The following LRRC8D variants were observed in gnomAD, a reference collection of about 807,000 sequenced individuals.
The protein encoded by LRRC8D is volume-regulated anion channel subunit LRRC8D.
In LRRC8D, 20 loss-of-function variants were observed where a neutral mutation model predicts 55.8. The observed-to-expected ratio is 0.36, with a 90% CI of 0.25 to 0.52. The LOEUF (loss-of-function observed/expected upper bound fraction) is 0.52. Ranked by LOEUF, LRRC8D falls within the 20% of genes least tolerant of loss-of-function variation. LRRC8D has a pLI of 0.93. For synonymous variants in LRRC8D, 352 were observed against 377.0 expected, an observed-to-expected ratio of 0.93 and a Z score of 0.77; for missense variants, 651 against 1,030.8, an observed-to-expected ratio of 0.63 and a Z score of 5.05.
At position 89,821,083 on chromosome 1, in the gene LRRC8D, C is replaced by CGCT. The variant is rs1049055996; in HGVS notation, c.-353_-351dup. On this transcript the variant is annotated 5_prime_UTR_variant, in exon 1 of 3. Transcript: ENST00000337338. ...CTGCTGCTCCCGTCGCCGCTGCTGC[C>CGCT]GCTGCCGCTGCCGCCGCCCGTGGTG... The CGCT allele has an allele frequency of 0.12, 55 of 462 alleles. 1 individual carries two copies. Among genetic ancestry groups the CGCT allele is most frequent in the Middle Eastern group, 0.5 (1 of 2 alleles). 0.0% of individuals were successfully genotyped at this position (462 alleles called of 1,614,324 possible). A position where few individuals can be genotyped will look rare whatever the true frequency, so the allele number is the denominator to read the frequency against.
intron 1 of LRRC8D, among the ~76,000 whole-genome samples, chr1:89,840,996 A>G (rs1403359624): frequency 2.0e-5 from 3 of 152,246 alleles, no homozygotes; most frequent in African/African-American, 4.8e-5. Flanking sequence ...TTTCTAGCTA[A>G]ATGCCCTGCT....
chr1:89,844,046 C>A (rs1052315095), intron 2 of LRRC8D, among the ~76,000 whole-genome samples: 26 of 152,254 alleles, frequency 1.7e-4, no homozygotes, highest in Non-Finnish European at 7.3e-5. Flanking sequence ...CCCCGGGCTG[C>A]GCTGGAGCTG....
At chr1:89,861,074 A>G (rs1661707367) in intron 2 of LRRC8D, among the ~76,000 whole-genome samples, 1 of 152,002 alleles carries the variant, frequency 6.6e-6, no homozygotes, top group Non-Finnish European at 1.5e-5. Flanking sequence ...CATCAAGGGC[A>G]CTTTTGAGAG....
At chr1:89,922,179 T>G (rs183265782) in intron 2 of LRRC8D, among the ~76,000 whole-genome samples, 8 of 152,190 alleles carry the variant, frequency 5.3e-5, no homozygotes, top group African/African-American at 1.7e-4. Flanking sequence ...TGCTCGTGCT[T>G]CAGCCTCCCA....
intron 2 of LRRC8D, among the ~76,000 whole-genome samples, chr1:89,891,590 A>G (rs1449322718): frequency 6.6e-6 from 1 of 152,154 alleles, no homozygotes; most frequent in Admixed American, 6.5e-5. Flanking sequence ...CCTAACAGTG[A>G]TTTTTGTCTT....
chr1:89,848,681 C>A (rs781414306), intron 2 of LRRC8D, among the ~76,000 whole-genome samples: 4 of 151,738 alleles, frequency 2.6e-5, no homozygotes, highest in Admixed American at 6.6e-5. Flanking sequence ...TGGGTAATAA[C>A]CCTGTTTGTT....
intron 2 of LRRC8D, among the ~76,000 whole-genome samples, chr1:89,902,048 G>T (rs1350512848): frequency 6.6e-6 from 1 of 152,224 alleles, no homozygotes; most frequent in Non-Finnish European, 1.5e-5. Flanking sequence ...TCCATGCTGG[G>T]GGCTAGGCCC....
At chr1:89,841,692 C>G (rs1030544480) in intron 1 of LRRC8D, among the ~76,000 whole-genome samples, 2 of 152,146 alleles carry the variant, frequency 1.3e-5, no homozygotes, top group Non-Finnish European at 2.9e-5. Context: ...AGTAGCCATT[C>G]TAGAACCTTT....
intron 1 of LRRC8D, among the ~76,000 whole-genome samples, chr1:89,827,239 A>G (rs1485657732): frequency 1.3e-5 from 2 of 151,578 alleles, no homozygotes; most frequent in Non-Finnish European, 2.9e-5. Flanking sequence ...AATCCCAGCT[A>G]CTCGGGAAGT....
chr1:89,911,443 C>T lies in LRRC8D; in HGVS notation c.-2-21624C>T, dbSNP rs1279139188. On this transcript the variant is annotated intron_variant, in intron 2 of 2. Transcript: ENST00000337338. This position sits in a 1 kb window ranked among gnomAD's most constrained non-coding sequence, Gnocchi z 4.0. ...AACATGCCGCATACTTGAGTTATAG[C>T]TCCTTGTCGAAATGTGTTTGTATAA... Among the ~76,000 whole-genome samples the T allele has an allele frequency of 1.3e-5, 2 of 152,088 alleles. No homozygotes were observed. Among genetic ancestry groups the T allele is most frequent in the African/African-American group, 4.8e-5 (2 of 41,418 alleles).
Position 89,934,249 on chromosome 1 carries a change from A to T in LRRC8D, c.1181A>T (p.Glu394Val). Residue 394 changes from glutamate to valine, a missense_variant, in exon 3 of 3, where the codon GAA becomes GTA. Physicochemically the swap from Glu to Val is moderately radical, Grantham distance 121 (BLOSUM62 -2). Around this residue, in one of 5 missense-constraint regions of LRRC8D, gnomAD observed 178 missense variants for 374.9 expected, o/e 0.47. Transcript: ENST00000337338. The surrounding 1 kb of genome is among the most constrained non-coding windows in gnomAD (Gnocchi z 5.9). ...LFWLFRIPLK[E>V]YSFEKVREES... ...TGGTTATTCAGGATACCTTTGAAGG[A>T]ATATTCTTTCGAAAAAGTCAGAGAA... The T allele has an allele frequency of 6.2e-7, 1 of 1,614,194 alleles. No individual in the cohort carries two copies. Among genetic ancestry groups the T allele is most frequent in the Non-Finnish European group, 8.5e-7 (1 of 1,180,032 alleles).
intron 1 of LRRC8D, among the ~76,000 whole-genome samples, chr1:89,840,229 GCACA>G (rs35883578): frequency 3.3e-4 from 50 of 151,644 alleles, no homozygotes; most frequent in African/African-American, 1.2e-3. Context: ...ACGTGCGCAT[GCACA>G]CACACACACA....
chr1:89,836,234 G>A (rs531724644), intron 1 of LRRC8D, among the ~76,000 whole-genome samples: 2 of 152,052 alleles, frequency 1.3e-5, no homozygotes, highest in South Asian at 4.1e-4. Context: ...TAAATCAACT[G>A]CTAACATTTA....
At chr1:89,875,089 A>T (rs908307941) in intron 2 of LRRC8D, among the ~76,000 whole-genome samples, 33 of 152,200 alleles carry the variant, frequency 2.2e-4, no homozygotes, top group South Asian at 2.1e-4. Flanking sequence ...ATATGAGGAT[A>T]AAAAAAACCT....
At chr1:89,830,961 A>G (rs1043350855) in intron 1 of LRRC8D, among the ~76,000 whole-genome samples, 1 of 144,026 alleles carries the variant, frequency 6.9e-6, no homozygotes. Context: ...GCTGGAGTGC[A>G]GTGCTGTGAT....
chr1:89,867,256 A>G (rs1271893057), intron 2 of LRRC8D, among the ~76,000 whole-genome samples: 3 of 152,218 alleles, frequency 2.0e-5, no homozygotes, highest in Non-Finnish European at 4.4e-5. Context: ...ATAATACAAT[A>G]TATACTTTTT....
At chr1:89,845,685 C>G (rs910058500) in intron 2 of LRRC8D, among the ~76,000 whole-genome samples, 6 of 152,156 alleles carry the variant, frequency 3.9e-5, no homozygotes, top group African/African-American at 1.4e-4. Flanking sequence ...GATCTGCCCA[C>G]CTCAGCCTTC....
intron 2 of LRRC8D, among the ~76,000 whole-genome samples, chr1:89,925,042 G>A (rs899749027): frequency 2.6e-5 from 4 of 152,250 alleles, no homozygotes; most frequent in South Asian, 4.1e-4. Flanking sequence ...GTTAGGAACC[G>A]GGTCGCACAG....
At chr1:89,834,966 G>A (rs1279609319) in intron 1 of LRRC8D, among the ~76,000 whole-genome samples, 1 of 152,210 alleles carries the variant, frequency 6.6e-6, no homozygotes, top group African/African-American at 2.4e-5. Flanking sequence ...GACTTCACTT[G>A]GTTGCCTTTG....
Sources: allele counts gnomAD v4.1 joint callset (sites outside exome capture counted in the v4.1 genomes callset), GRCh38; gene constraint gnomAD v4.1.1; regional missense constraint gnomAD v4.1.1; non-coding constraint Gnocchi (gnomAD v3.1); transcripts MANE v1.5; gene names NCBI Gene and HGNC (gene_info 2026-07-23, HGNC 2026-07-21).